The following XIRP2 variants were observed in gnomAD, a reference collection of about 807,000 sequenced individuals.
XIRP2 encodes xin actin-binding repeat-containing protein 2.
Under a neutral mutation model 277.0 loss-of-function variants are expected in XIRP2, and 236 were observed. The observed-to-expected ratio is 0.85, with a 90% CI of 0.77 to 0.95. The LOEUF (loss-of-function observed/expected upper bound fraction) is 0.95. XIRP2 is among the 40% of genes least tolerant of loss of function. The probability of loss-of-function intolerance (pLI) is 0.00; values close to 1 mark genes in which losing one functional copy is unlikely to be tolerated. For synonymous variants in XIRP2, 1,490 were observed against 1,416.5 expected (o/e 1.05, Z -1.17); for missense variants, 4,640 against 4,157.5 (o/e 1.12, Z -3.19).
intron 2 of XIRP2, among the ~76,000 whole-genome samples, chr2:166,975,487 AAAAAGAAAAG>A (rs368207231): frequency 6.6e-6 from 1 of 152,026 alleles, no homozygotes; most frequent in African/African-American, 2.4e-5. Context: ...GACTCCTTCA[AAAAAGAAAAG>A]AAAAGAAAAG....
intron 2 of XIRP2, among the ~76,000 whole-genome samples, chr2:167,103,956 G>T (rs1690550114): frequency 6.6e-6 from 1 of 152,116 alleles, no homozygotes; most frequent in South Asian, 2.1e-4. Flanking sequence ...TCCTCTGTTG[G>T]AAATAGGAGT....
chr2:167,105,207 A>G (rs1377564209), intron 2 of XIRP2, among the ~76,000 whole-genome samples: 1 of 151,974 alleles, frequency 6.6e-6, no homozygotes, highest in Non-Finnish European at 1.5e-5. Flanking sequence ...AAGAACTACA[A>G]TACAATGTTA....
At chr2:167,168,524 A>G (rs1692587518) in intron 3 of XIRP2, among the ~76,000 whole-genome samples, 4 of 152,206 alleles carry the variant, frequency 2.6e-5, no homozygotes, top group African/African-American at 7.2e-5. Context: ...CAGTCTATTA[A>G]TAAGTCCATC....
chr2:167,079,427 G>A (rs912852110), intron 2 of XIRP2, among the ~76,000 whole-genome samples: 1 of 152,124 alleles, frequency 6.6e-6, no homozygotes, highest in African/African-American at 2.4e-5. Context: ...TTCTTTGTAC[G>A]TCTGGTAGAA....
intron 3 of XIRP2, among the ~76,000 whole-genome samples, chr2:167,163,652 G>T (rs1180116934): frequency 6.6e-6 from 1 of 152,152 alleles, no homozygotes; most frequent in African/African-American, 2.4e-5. Flanking sequence ...AGCAGAAGTT[G>T]TTAATTTTTA....
chr2:167,016,655 G>A (rs1574166191), intron 2 of XIRP2, among the ~76,000 whole-genome samples: 2 of 151,908 alleles, frequency 1.3e-5, no homozygotes, highest in East Asian at 1.9e-4. Flanking sequence ...AGAATCAAAC[G>A]AAAAGATACT....
rs566941976 is a variant in XIRP2 at position 167,040,374 on chromosome 2, A to G, written c.409-95535A>G. Among the ~76,000 whole-genome samples the G allele has an allele frequency of 7.2e-5, 11 of 152,246 alleles. No individual in the cohort carries two copies. In the South Asian group the frequency reaches 2.1e-3, roughly 29 times the overall value. On this transcript the variant is annotated intron_variant, in intron 2 of 10. Transcript: ENST00000409195. The stretch of plus-strand genomic sequence containing the variant: ...ACTCTGCCTGGGATTGCTGAGCACA[A>G]GGACTCATTCCTTACCCCAAGTAGA...
chr2:166,898,172 T>C (rs989634705), intron 1 of XIRP2, among the ~76,000 whole-genome samples: 3 of 152,140 alleles, frequency 2.0e-5, no homozygotes, highest in Admixed American at 1.3e-4. Context: ...GGAAGACTCT[T>C]CCTCTTGCAA....
intron 5 of XIRP2, among the ~76,000 whole-genome samples, chr2:167,219,103 A>G (rs1199878269): frequency 1.3e-5 from 2 of 152,152 alleles, no homozygotes; most frequent in East Asian, 1.9e-4. Flanking sequence ...TTTTAAATGA[A>G]GCAATTGCGT....
Position 167,258,634 on chromosome 2 carries a change from G to A in XIRP2, c.*817G>A. On this transcript the variant is annotated 3_prime_UTR_variant, in exon 11 of 11. Transcript: ENST00000409195. ...TTACTAACACTGATGATGAGATGAT[G>A]CCAGAAAATCATAAAGAAAATTTGA... 1.2e-6 allele frequency: 2 copies of A among 1,611,998 alleles called. No homozygotes were observed. The highest frequency in any genetic ancestry group is 1.7e-6 in the Non-Finnish European group (2 of 1,179,282).
At chr2:167,002,894 G>T (rs916085439) in intron 2 of XIRP2, among the ~76,000 whole-genome samples, 2 of 151,986 alleles carry the variant, frequency 1.3e-5, no homozygotes, top group East Asian at 3.9e-4. Flanking sequence ...GACATGTTAT[G>T]CTTCCTATTT....
chr2:166,972,910 G>A (rs1454207368), intron 2 of XIRP2, among the ~76,000 whole-genome samples: 3 of 152,156 alleles, frequency 2.0e-5, no homozygotes, highest in Non-Finnish European at 2.9e-5. Context: ...ATTATTTTGT[G>A]TTCCAGATAT....
chr2:166,912,934 C>A (rs1684752789), intron 2 of XIRP2, among the ~76,000 whole-genome samples: 1 of 152,194 alleles, frequency 6.6e-6, no homozygotes, highest in Admixed American at 6.5e-5. Flanking sequence ...TGCTGAACAG[C>A]AAATGTTGCT....
rs772728975 is a variant in XIRP2, at chr2:167,258,970, G to A, written c.*1153G>A. On this transcript the variant is annotated 3_prime_UTR_variant, in exon 11 of 11. Transcript: ENST00000409195. The stretch of plus-strand genomic sequence containing the variant: ...GCCTCAGCAGAGGCCTTATGGTAAA[G>A]GGGGGAAGTTCAATCATCTCTCCTG... 2 of 1,612,162 alleles carry A rather than the reference G, an allele frequency of 1.2e-6. No individual in the cohort carries two copies. The highest frequency in any genetic ancestry group is 2.7e-5 in the African/African-American group (2 of 74,806).
chr2:166,985,090 A>G (rs1686967047), intron 2 of XIRP2, among the ~76,000 whole-genome samples: 1 of 152,200 alleles, frequency 6.6e-6, no homozygotes, highest in Non-Finnish European at 1.5e-5. Flanking sequence ...TGTTTCCACA[A>G]CATCCTGCAC....
chr2:166,960,352 C>T (rs568596063), intron 2 of XIRP2, among the ~76,000 whole-genome samples: 29 of 151,794 alleles, frequency 1.9e-4, no homozygotes, highest in Non-Finnish European at 3.4e-4. Context: ...GAGAAAAGGT[C>T]AAATATTTGT....
intron 5 of XIRP2, among the ~76,000 whole-genome samples, chr2:167,235,442 A>T (rs1429789599): frequency 6.6e-6 from 1 of 151,848 alleles, no homozygotes; most frequent in Non-Finnish European, 1.5e-5. Flanking sequence ...CACACTACTA[A>T]AAAAAAGTGA....
At chr2:167,125,894 T>A (rs1329915855) in intron 2 of XIRP2, among the ~76,000 whole-genome samples, 2 of 152,192 alleles carry the variant, frequency 1.3e-5, no homozygotes, top group African/African-American at 4.8e-5. Flanking sequence ...GGGCCAGGGT[T>A]ATAGTTATAT....
chr2:167,149,624 A>G (rs893719698), intron 3 of XIRP2, among the ~76,000 whole-genome samples: 1 of 152,086 alleles, frequency 6.6e-6, no homozygotes, highest in Non-Finnish European at 1.5e-5. Context: ...TTTATTCCAA[A>G]TGGTTTAAAA....
Sources: gnomAD v4.1 joint callset for allele counts (sites outside exome capture counted in the v4.1 genomes callset) on GRCh38, gnomAD v4.1.1 for gene constraint, MANE v1.5 for transcripts, NCBI Gene and HGNC (gene_info 2026-07-23, HGNC 2026-07-21) for gene names.